RIMS2: variants seen among roughly 807,000 people sequenced by gnomAD.
RIMS2 encodes regulating synaptic membrane exocytosis 2, also known as regulating synaptic membrane exocytosis protein 2.
A neutral mutation model predicts 174.4 loss-of-function variants in RIMS2; 59 were observed. That is an observed-to-expected ratio of 0.34 (90% CI 0.27 to 0.42). RIMS2 has a LOEUF of 0.42. Among genes scored for constraint, RIMS2 ranks in the 10% least tolerant of loss-of-function variants. RIMS2 has a pLI of 1.00. For synonymous variants in RIMS2, 606 were observed against 572.5 expected (o/e 1.06, Z -0.84); for missense variants, 1,620 against 1,666.3 (o/e 0.97, Z 0.48).
At chr8:103,931,346 G>A in exon 12 of RIMS2, 1 of 1,606,092 alleles carries the variant, frequency 6.2e-7, no homozygotes, top group Non-Finnish European at 8.5e-7. Context: ...GGGAAGATGG[G>A]AGGCCAAGGA....
chr8:103,733,175 A>G (rs1446481510), intron 2 of RIMS2, among the ~76,000 whole-genome samples: 1 of 151,906 alleles, frequency 6.6e-6, no homozygotes, highest in Non-Finnish European at 1.5e-5. Flanking sequence ...GGTTCTCTTC[A>G]AGGCAGCGGG....
At chr8:103,675,460 C>A (rs1017931595) in intron 1 of RIMS2, among the ~76,000 whole-genome samples, 2 of 152,164 alleles carry the variant, frequency 1.3e-5, no homozygotes, top group Non-Finnish European at 2.9e-5. Flanking sequence ...GGCCCTGCAG[C>A]TGGTGGTCTA....
chr8:103,711,131 A>T (rs2097298035), intron 2 of RIMS2, among the ~76,000 whole-genome samples: 1 of 152,198 alleles, frequency 6.6e-6, no homozygotes, highest in South Asian at 2.1e-4. Flanking sequence ...TTTTCAACTC[A>T]CTTTTACAAT....
chr8:104,041,600 A>G (rs961379448), intron 19 of RIMS2, among the ~76,000 whole-genome samples: 1 of 151,722 alleles, frequency 6.6e-6, no homozygotes, highest in Non-Finnish European at 1.5e-5. Context: ...TAATTTTTCC[A>G]TAAACTGAAT....
At chr8:103,990,975 T>C (rs2094653781) in intron 17 of RIMS2, among the ~76,000 whole-genome samples, 1 of 151,962 alleles carries the variant, frequency 6.6e-6, no homozygotes, top group South Asian at 2.1e-4. Context: ...CAAATGACCC[T>C]AGGTTTAATG....
At chr8:103,500,686 C>G (rs1049865572), upstream of RIMS2, 1 of 533,214 alleles carries the variant, frequency 1.9e-6, no homozygotes, top group Non-Finnish European at 3.3e-6. Context: ...GAAGCGCACT[C>G]CTCAGCCCTC....
intron 6 of RIMS2, among the ~76,000 whole-genome samples, chr8:103,912,770 A>G (rs2075927664): frequency 6.6e-6 from 1 of 152,096 alleles, no homozygotes; most frequent in Non-Finnish European, 1.5e-5. Context: ...AATACATTAA[A>G]TAGAGCTTTG....
exon 10 of RIMS2, chr8:103,921,748 G>A: frequency 6.5e-7 from 1 of 1,538,582 alleles, no homozygotes; most frequent in South Asian, 1.1e-5. Flanking sequence ...CTGGAATGTT[G>A]AGGGATGTCC....
intron 19 of RIMS2, among the ~76,000 whole-genome samples, chr8:104,214,861 C>T (rs1244809176): frequency 2.6e-5 from 4 of 152,210 alleles, no homozygotes; most frequent in Non-Finnish European, 5.9e-5. Context: ...TACTAAGCTA[C>T]AAATAGAACT....
intron 3 of RIMS2, among the ~76,000 whole-genome samples, chr8:103,794,743 A>C (rs1159043129): frequency 2.0e-5 from 3 of 152,192 alleles, no homozygotes; most frequent in Non-Finnish European, 4.4e-5. Context: ...ACAAGAAAAA[A>C]ATCAAACAAC....
chr8:104,031,107 T>A (rs2096382860), intron 19 of RIMS2, among the ~76,000 whole-genome samples: 2 of 152,166 alleles, frequency 1.3e-5, no homozygotes, highest in South Asian at 4.1e-4. Context: ...CTACTAAATA[T>A]CTTTGTCTTC....
intron 3 of RIMS2, among the ~76,000 whole-genome samples, chr8:103,780,976 G>C (rs1408598574): frequency 6.6e-6 from 1 of 151,670 alleles, no homozygotes; most frequent in Non-Finnish European, 1.5e-5. Flanking sequence ...GCCAAAGTTT[G>C]CCTGGCTGTA....
In RIMS2 at chr8:104,240,505, T is replaced by C. The variant is rs72685072; in HGVS notation, c.3335-4411T>C. On this transcript the variant is annotated intron_variant, in intron 19 of 23. Coordinates refer to ENST00000504942, the Ensembl canonical transcript of RIMS2. ...TATAAATGTATTTGATAATGGAACA[T>C]TGAAAAAGACATGTATTAAAGGGCT... is the stretch of plus-strand genomic sequence containing the variant. 4.9e-3 allele frequency among the ~76,000 whole-genome samples: 741 copies of C among 152,296 alleles called. 2 individuals carry two copies. The highest frequency in any genetic ancestry group is 7.5e-3 in the Non-Finnish European group (512 of 68,020).
chr8:103,903,450 AC>A (rs150772840), intron 4 of RIMS2, among the ~76,000 whole-genome samples: 20,194 of 152,132 alleles, frequency 0.13, 1,826 homozygotes, highest in Non-Finnish European at 0.2. Flanking sequence ...TAGTTAATGA[AC>A]TATTGTCTTA....
At chr8:103,903,204 G>A (rs918969394) in intron 4 of RIMS2, among the ~76,000 whole-genome samples, 7 of 151,840 alleles carry the variant, frequency 4.6e-5, no homozygotes, top group East Asian at 1.9e-4. Flanking sequence ...TTTCAAAACC[G>A]ATGAGAAAAT....
intron 3 of RIMS2, among the ~76,000 whole-genome samples, chr8:103,851,465 A>C (rs2098997506): frequency 6.6e-6 from 1 of 151,902 alleles, no homozygotes; most frequent in South Asian, 2.1e-4. Flanking sequence ...AAATGAAAAA[A>C]ATTATATTCT....
intron 19 of RIMS2, among the ~76,000 whole-genome samples, chr8:104,129,530 A>AAGGAGGAAGCTGTGCCAGAT (rs1395883494): frequency 6.6e-6 from 1 of 152,244 alleles, no homozygotes; most frequent in Non-Finnish European, 1.5e-5. Flanking sequence ...TAAGTGGAAG[A>AAGGAGGAAGCTGTGCCAGAT]AGGAGGAAGC....
intron 19 of RIMS2, among the ~76,000 whole-genome samples, chr8:104,184,771 G>A (rs2098959406): frequency 6.6e-6 from 1 of 151,466 alleles, no homozygotes; most frequent in Non-Finnish European, 1.5e-5. Context: ...GTAAATCAAA[G>A]ATTTGTAAAT....
intron 1 of RIMS2, among the ~76,000 whole-genome samples, chr8:103,531,056 A>G (rs1285085473): frequency 6.6e-6 from 1 of 151,112 alleles, no homozygotes; most frequent in Non-Finnish European, 1.5e-5. Flanking sequence ...AGGCAAAACA[A>G]GATTATCAGT....
Sources: gnomAD v4.1 joint callset for allele counts (sites outside exome capture counted in the v4.1 genomes callset) on GRCh38, gnomAD v4.1.1 for gene constraint, MANE v1.5 for transcripts, NCBI Gene and HGNC (gene_info 2026-07-23, HGNC 2026-07-21) for gene names.